The following MTMR7 variants were observed in gnomAD, a reference collection of about 807,000 sequenced individuals.
The protein encoded by MTMR7 is myotubularin related protein 7.
MTMR7 carries 76 observed loss-of-function variants against 81.2 expected under a neutral mutation model. The ratio of observed to expected loss-of-function variants is 0.94; its 90% CI spans 0.78 to 1.13. The LOEUF (loss-of-function observed/expected upper bound fraction) is 1.13. Among genes scored for constraint, MTMR7 ranks in the 50% most tolerant of loss-of-function variants. The probability of loss-of-function intolerance (pLI) is 0.00; values close to 1 mark genes in which losing one functional copy is unlikely to be tolerated. For missense variants in MTMR7, 1,044 were observed against 820.0 expected (o/e 1.27, Z -3.34); for synonymous variants, 372 against 289.8 (o/e 1.28, Z -2.88).
At chr8:17,397,140 T>C (rs902755220) in intron 1 of MTMR7, among the ~76,000 whole-genome samples, 4 of 151,848 alleles carry the variant, frequency 2.6e-5, no homozygotes, top group African/African-American at 9.7e-5. Flanking sequence ...CCCAGCACAT[T>C]TGCAGCTGTG....
At chr8:17,304,659 C>A (rs1329676082) in intron 11 of MTMR7, 140 bp from the exon 12 acceptor site, 2 of 792,942 alleles carry the variant, frequency 2.5e-6, no homozygotes, top group Non-Finnish European at 4.0e-6. Flanking sequence ...AATGTATCAT[C>A]TTGGTGACTT....
intron 6 of MTMR7, among the ~76,000 whole-genome samples, chr8:17,334,896 A>G (rs1341291311): frequency 6.6e-6 from 1 of 152,162 alleles, no homozygotes; most frequent in African/African-American, 2.4e-5. Context: ...CACAATCTGT[A>G]AGGATGGAGA....
At chr8:17,409,310 A>G (rs1043027653) in intron 1 of MTMR7, among the ~76,000 whole-genome samples, 1 of 152,022 alleles carries the variant, frequency 6.6e-6, no homozygotes, top group African/African-American at 2.4e-5. Flanking sequence ...AAATCTAAAA[A>G]TTACCTAGGT....
intron 1 of MTMR7, among the ~76,000 whole-genome samples, chr8:17,376,188 G>C (rs1820582171): frequency 6.6e-6 from 1 of 152,150 alleles, no homozygotes; most frequent in African/African-American, 2.4e-5. Flanking sequence ...GTCATACTTT[G>C]ATAGTGGTTT....
intron 1 of MTMR7, among the ~76,000 whole-genome samples, chr8:17,387,873 C>G (rs36006999): frequency 0.28 from 42,244 of 152,020 alleles, 6,987 homozygotes; most frequent in Non-Finnish European, 0.38. Flanking sequence ...TTTGGATAAG[C>G]CTGAGTGTTT....
At chr8:17,401,426 G>C (rs958464980) in intron 1 of MTMR7, among the ~76,000 whole-genome samples, 5 of 151,998 alleles carry the variant, frequency 3.3e-5, no homozygotes, top group Non-Finnish European at 7.4e-5. Flanking sequence ...GGTAGTTGTG[G>C]GAAATGAGAT....
intron 1 of MTMR7, among the ~76,000 whole-genome samples, chr8:17,389,414 A>T (rs142100396): frequency 6.8e-4 from 103 of 152,258 alleles, no homozygotes; most frequent in African/African-American, 2.3e-3. Context: ...CTGTGGGAAG[A>T]AAGGAAAAGA....
At chr8:17,308,490 A>T (rs567219969) in intron 10 of MTMR7, among the ~76,000 whole-genome samples, 1 of 152,238 alleles carries the variant, frequency 6.6e-6, no homozygotes, top group African/African-American at 2.4e-5. Context: ...CTACAAAAAT[A>T]TACTTGAGCA....
intron 6 of MTMR7, among the ~76,000 whole-genome samples, chr8:17,333,035 G>GA (rs987756948): frequency 6.6e-6 from 1 of 151,924 alleles, no homozygotes; most frequent in Non-Finnish European, 1.5e-5. Flanking sequence ...TATTAGAAGT[G>GA]AAAAAAACAG....
rs370132911 is a variant in MTMR7 at position 17,305,828 on chromosome 8, A to C, written c.1281T>G (p.Ile427Met). ...ACTGGCAGGAATAAATGTGATGTTGAATGTGAATCAAAAACCTCTCATTGA... is the reference window on the plus strand; with the variant it reads ...ACTGGCAGGAATAAATGTGATGTTGCATGTGAATCAAAAACCTCTCATTGA... ...FEFNERFLIH[I>M]QHHIYSCQFG... The change falls in exon 11 of 14, where the codon ATT becomes ATG. Residue 427 changes from isoleucine (I) to methionine (M), a missense_variant. Transcript: ENST00000180173. The C allele has an allele frequency of 2.5e-6, 4 of 1,613,730 alleles. No homozygotes were observed. The highest frequency in any genetic ancestry group is 2.2e-5 in the East Asian group (1 of 44,832).
chr8:17,377,739 T>A (rs1007995923), intron 1 of MTMR7, among the ~76,000 whole-genome samples: 3 of 152,150 alleles, frequency 2.0e-5, no homozygotes, highest in Non-Finnish European at 4.4e-5. Context: ...TCATTCTTCT[T>A]TCTAGATGGT....
intron 6 of MTMR7, among the ~76,000 whole-genome samples, chr8:17,337,073 A>G (rs1395886192): frequency 6.6e-6 from 1 of 152,142 alleles, no homozygotes; most frequent in Non-Finnish European, 1.5e-5. Context: ...TAAAAGAACT[A>G]AATGAGAAAG....
chr8:17,313,367 G>T lies in MTMR7; in HGVS notation c.900C>A (p.Phe300Leu). 6.2e-7 allele frequency: 1 copy of T among 1,612,430 alleles called. No homozygotes were observed. Among genetic ancestry groups the T allele is most frequent in the South Asian group, 1.1e-5 (1 of 90,834 alleles). Residue 300 changes from phenylalanine (F) to leucine (L), a missense_variant, in exon 8 of 14, where the codon TTC (phenylalanine) becomes TTA (leucine). Phe to Leu is a conservative substitution (Grantham distance 22). Transcript: ENST00000180173. ...AGCCAGAGTTCTCCAGACCCCACAG[G>T]AAATCACTCATGGAGGGAGATTTAA... Reference protein sequence around the residue: ...CELKSPSMSDFLWGLENSGWL... With the variant: ...CELKSPSMSDLLWGLENSGWL...
At chr8:17,400,779 G>C (rs974219258) in intron 1 of MTMR7, among the ~76,000 whole-genome samples, 1 of 152,140 alleles carries the variant, frequency 6.6e-6, no homozygotes, top group African/African-American at 2.4e-5. Flanking sequence ...AAGTTTGCTG[G>C]AATGAAGCAA....
At chr8:17,361,353 A>T (rs1820054950) in intron 3 of MTMR7, 79 bp from the exon 4 acceptor site, 1 of 1,538,692 alleles carries the variant, frequency 6.5e-7, no homozygotes, top group Admixed American at 1.7e-5. Flanking sequence ...ATTCTGTCCC[A>T]CCTGGAGTGC....
chr8:17,395,327 C>G (rs1319696152), intron 1 of MTMR7, among the ~76,000 whole-genome samples: 1 of 152,094 alleles, frequency 6.6e-6, no homozygotes, highest in Non-Finnish European at 1.5e-5. Flanking sequence ...TGTTGATGGA[C>G]TCTTGGATTG....
chr8:17,299,176 C>G lies in MTMR7; in HGVS notation c.*686G>C, dbSNP rs1224338249. The G allele has an allele frequency of 6.6e-6, 1 of 152,122 alleles. No individual in the cohort carries two copies. Among genetic ancestry groups the G allele is most frequent in the Non-Finnish European group, 1.5e-5 (1 of 68,012 alleles). 9.4% of individuals were successfully genotyped at this position (152,122 alleles called of 1,614,324 possible). Reference sequence around the variant, plus strand: ...GCTTCTACCTCGTTAGCTATTAAATCAGTGTTAGAGAAAAAGTGAGATACA... The same window carrying G: ...GCTTCTACCTCGTTAGCTATTAAATGAGTGTTAGAGAAAAAGTGAGATACA... On this transcript the variant is annotated 3_prime_UTR_variant, in exon 14 of 14. Coordinates refer to ENST00000180173, the MANE Select transcript of MTMR7 (RefSeq NM_004686.5).
At chr8:17,316,617 G>A (rs1327359258) in intron 7 of MTMR7, among the ~76,000 whole-genome samples, 1 of 151,688 alleles carries the variant, frequency 6.6e-6, no homozygotes, top group Non-Finnish European at 1.5e-5. Context: ...CCACATCCTT[G>A]GAGTCAACCA....
intron 3 of MTMR7, among the ~76,000 whole-genome samples, chr8:17,367,922 C>T (rs1227752758): frequency 2.1e-5 from 3 of 145,852 alleles, no homozygotes; most frequent in Non-Finnish European, 4.5e-5. Flanking sequence ...TATTAAATTA[C>T]GACAGCTTTG....
Sources: gnomAD v4.1 joint callset for allele counts (sites outside exome capture counted in the v4.1 genomes callset) on GRCh38, gnomAD v4.1.1 for gene constraint, MANE v1.5 for transcripts, NCBI Gene and HGNC (gene_info 2026-07-23, HGNC 2026-07-21) for gene names.